Variants in CD58 observed in about 807,000 individuals in gnomAD.
CD58 encodes the protein CD58 molecule, also known as lymphocyte function-associated antigen 3.
Under a neutral mutation model 27.6 loss-of-function variants are expected in CD58, and 14 were observed. The ratio of observed to expected loss-of-function variants is 0.51; its 90% CI spans 0.34 to 0.79. CD58 has a LOEUF of 0.79. Ranked by LOEUF, CD58 falls within the 30% of genes least tolerant of loss-of-function variation. The pLI, the probability that CD58 is intolerant of heterozygous loss-of-function variation, is 0.02. For synonymous variants in CD58, 117 were observed against 103.8 expected, an observed-to-expected ratio of 1.13 and a Z score of -0.77; for missense variants, 268 against 301.7, an observed-to-expected ratio of 0.89 and a Z score of 0.83.
intron 1 of CD58, among the ~76,000 whole-genome samples, chr1:116,568,336 A>G (rs1049721045): frequency 6.6e-6 from 1 of 152,208 alleles, no homozygotes; most frequent in Non-Finnish European, 1.5e-5. Context: ...TAACAAAGAA[A>G]ACTAATGTGA....
In CD58 at chr1:116,559,701, C is replaced by G. The variant is rs1475090753; in HGVS notation, c.70+11202G>C. On this transcript the variant is annotated intron_variant, in intron 1 of 5. Coordinates refer to ENST00000369489, the MANE Select transcript of CD58 (RefSeq NM_001779.3). This position sits in a 1 kb window ranked among gnomAD's most constrained non-coding sequence, Gnocchi z 4.4. The stretch of plus-strand genomic sequence containing the variant: ...ACCTTGCTCTCAGCTGTCAATCTGC[C>G]TCCTCGATAAGTTCATCAAGAATTA... 6.6e-6 allele frequency among the ~76,000 whole-genome samples: 1 copy of G among 152,218 alleles called. No individual in the cohort carries two copies. The highest frequency in any genetic ancestry group is 1.9e-4 in the East Asian group (1 of 5,204).
chr1:116,543,175 G>T (rs1047597504), intron 2 of CD58, among the ~76,000 whole-genome samples: 1 of 152,174 alleles, frequency 6.6e-6, no homozygotes, highest in Non-Finnish European at 1.5e-5. Flanking sequence ...GAGCAAGGAA[G>T]CTAAGTGTGT....
intron 1 of CD58, among the ~76,000 whole-genome samples, chr1:116,565,719 GTTTT>G (rs1230495315): frequency 6.8e-6 from 1 of 147,912 alleles, no homozygotes; most frequent in Non-Finnish European, 1.5e-5. Context: ...GTTTTGTTTT[GTTTT>G]TTTGTTTTTT....
Position 116,550,010 on chromosome 1 carries a change from TA to T in CD58, c.71-5407del, listed in dbSNP as rs1164105178. Among the ~76,000 whole-genome samples, 3 of 152,072 alleles carry T rather than the reference TA, an allele frequency of 2.0e-5. No individual in the cohort carries two copies. The highest frequency in any genetic ancestry group is 7.3e-5 in the African/African-American group (3 of 41,358). On this transcript the variant is annotated intron_variant, in intron 1 of 5. Coordinates refer to ENST00000369489, the MANE Select transcript of CD58 (RefSeq NM_001779.3). This position sits in a 1 kb window ranked among gnomAD's most constrained non-coding sequence, Gnocchi z 4.2. Reference sequence around the variant, plus strand: ...TAAAAACACAATGTACATATTTAATTAAAAAATACTTTATTGCTGAAAAAAA... The same window carrying T: ...TAAAAACACAATGTACATATTTAATTAAAAATACTTTATTGCTGAAAAAAA...
chr1:116,519,134 C>T lies in CD58; in HGVS notation c.743+97G>A. The T allele has an allele frequency of 1.3e-6, 2 of 1,574,232 alleles. No homozygotes were observed. Among genetic ancestry groups the T allele is most frequent in the Non-Finnish European group, 1.7e-6 (2 of 1,157,258 alleles). On this transcript the variant is annotated intron_variant, in intron 5 of 5. Coordinates refer to ENST00000369489, the MANE Select transcript of CD58 (RefSeq NM_001779.3). The surrounding 1 kb of genome is among the most constrained non-coding windows in gnomAD (Gnocchi z 4.7). The stretch of plus-strand genomic sequence containing the variant: ...TACTTCTTATTACTGTACAAGGCAA[C>T]CAACAGATGAGTACAATCTGGCTTC...
Position 116,569,482 on chromosome 1 carries a change from C to T in CD58, c.70+1421G>A, listed in dbSNP as rs138248280. The stretch of plus-strand genomic sequence containing the variant: ...ACATTATCACATGTCCACACATCAC[C>T]AGTCCTTGAAGGCTGGGCTCAAATA... On this transcript the variant is annotated intron_variant, in intron 1 of 5. Transcript: ENST00000369489. Among the ~76,000 whole-genome samples the T allele has an allele frequency of 1.7e-4, 26 of 152,250 alleles. No individual in the cohort carries two copies. In the East Asian group the frequency reaches 4.2e-3, roughly 25 times the overall value.
intron 1 of CD58, among the ~76,000 whole-genome samples, chr1:116,566,330 T>C (rs980831479): frequency 2.0e-5 from 3 of 152,148 alleles, no homozygotes; most frequent in Admixed American, 6.5e-5. Context: ...GATGCAAATA[T>C]GGAAGAGCAG....
Position 116,516,492 on chromosome 1 carries a change from A to G in CD58, c.744-1670T>C, listed in dbSNP as rs1296466144. On this transcript the variant is annotated intron_variant, in intron 5 of 5. Coordinates refer to ENST00000369489, the MANE Select transcript of CD58 (RefSeq NM_001779.3). The surrounding 1 kb of genome is among the most constrained non-coding windows in gnomAD (Gnocchi z 6.1). ...GAACCTATAATGGCTGCTTATTTCC[A>G]TATCACTCCATTCTAAGGACCTCCT... is the stretch of plus-strand genomic sequence containing the variant. 6.6e-6 allele frequency among the ~76,000 whole-genome samples: 1 copy of G among 152,060 alleles called. No homozygotes were observed. The highest frequency in any genetic ancestry group is 1.5e-5 in the Non-Finnish European group (1 of 68,012).
chr1:116,564,818 A>C (rs1371361979), intron 1 of CD58, among the ~76,000 whole-genome samples: 1 of 152,214 alleles, frequency 6.6e-6, no homozygotes, highest in Non-Finnish European at 1.5e-5. Context: ...GGGTTTCAGC[A>C]TGTTGCTTAG....
At position 116,519,193 on chromosome 1, in the gene CD58, T is replaced by C. The variant is rs1657187418; in HGVS notation, c.743+38A>G. Reference sequence around the variant, plus strand: ...TGGGCATCTACAGCAGGGCTGCTGTTGTTCTGGCACAGAGTGCACAGCCTG... The same window carrying C: ...TGGGCATCTACAGCAGGGCTGCTGTCGTTCTGGCACAGAGTGCACAGCCTG... On this transcript the variant is annotated intron_variant, in intron 5 of 5. Coordinates refer to ENST00000369489, the MANE Select transcript of CD58 (RefSeq NM_001779.3). The surrounding 1 kb of genome is among the most constrained non-coding windows in gnomAD (Gnocchi z 4.7). 6.2e-7 allele frequency: 1 copy of C among 1,611,102 alleles called. No homozygotes were observed. The highest frequency in any genetic ancestry group is 8.5e-7 in the Non-Finnish European group (1 of 1,178,494).
At chr1:116,560,085 A>G (rs969438697) in intron 1 of CD58, 1 of 152,878 alleles carries the variant, frequency 6.5e-6, no homozygotes, top group African/African-American at 2.4e-5. Context: ...AGCAAAAACC[A>G]CAATAACTTT....
Position 116,522,434 on chromosome 1 carries a change from T to G in CD58, c.629-451A>C, listed in dbSNP as rs563568979. ...AGCTTCACTTAGGCATGAGTTACAG[T>G]GCTGTTGGCTATGAGTTCAAGGTCA... On this transcript the variant is annotated intron_variant, in intron 3 of 5. Transcript: ENST00000369489. This position sits in a 1 kb window ranked among gnomAD's most constrained non-coding sequence, Gnocchi z 4.6. 5.3e-5 allele frequency among the ~76,000 whole-genome samples: 8 copies of G among 152,348 alleles called. No homozygotes were observed. The highest frequency in any genetic ancestry group is 1.2e-4 in the Non-Finnish European group (8 of 68,034).
intron 3 of CD58, among the ~76,000 whole-genome samples, chr1:116,525,754 C>T (rs1002624048): frequency 5.3e-5 from 8 of 152,156 alleles, no homozygotes; most frequent in Non-Finnish European, 1.2e-4. Context: ...TCATTGTTGT[C>T]TTAGTTTCCA....
chr1:116,527,124 T>A lies in CD58; in HGVS notation c.629-5141A>T, dbSNP rs974528342. 2.0e-5 allele frequency among the ~76,000 whole-genome samples: 3 copies of A among 152,230 alleles called. No individual in the cohort carries two copies. Among genetic ancestry groups the A allele is most frequent in the African/African-American group, 7.2e-5 (3 of 41,468 alleles). ...ATAGATATTCATGTCATCTGAGAAC[T>A]AAAACAATTTTCTTTCTTTCTTCTC... On this transcript the variant is annotated intron_variant, in intron 3 of 5. Coordinates refer to ENST00000369489, the MANE Select transcript of CD58 (RefSeq NM_001779.3). This position sits in a 1 kb window ranked among gnomAD's most constrained non-coding sequence, Gnocchi z 4.4.
intron 1 of CD58, among the ~76,000 whole-genome samples, chr1:116,547,819 A>G (rs1658242143): frequency 6.6e-6 from 1 of 152,150 alleles, no homozygotes; most frequent in African/African-American, 2.4e-5. Context: ...TCCTCTGGGT[A>G]GATACCCAGT....
intron 3 of CD58, among the ~76,000 whole-genome samples, chr1:116,526,082 T>C (rs1042116243): frequency 3.3e-5 from 5 of 152,234 alleles, no homozygotes; most frequent in African/African-American, 1.2e-4. Context: ...GTTTTTTGTA[T>C]ATTTTGGATA....
chr1:116,547,551 G>C (rs113213686), intron 1 of CD58, among the ~76,000 whole-genome samples: 2 of 151,772 alleles, frequency 1.3e-5, no homozygotes, highest in African/African-American at 4.8e-5. Context: ...GGATGGTCTC[G>C]ATCTCCTGAC....
intron 1 of CD58, among the ~76,000 whole-genome samples, chr1:116,561,250 A>G (rs1658741416): frequency 6.6e-6 from 1 of 152,216 alleles, no homozygotes; most frequent in Non-Finnish European, 1.5e-5. Context: ...CAAAATTAAA[A>G]CAAAAAAACA....
intron 1 of CD58, among the ~76,000 whole-genome samples, chr1:116,549,800 T>C (rs1453763300): frequency 6.6e-6 from 1 of 152,204 alleles, no homozygotes; most frequent in African/African-American, 2.4e-5. Context: ...GATACAAACA[T>C]GTATCACATA....
Sources: gnomAD v4.1 joint callset for allele counts (sites outside exome capture counted in the v4.1 genomes callset) on GRCh38, gnomAD v4.1.1 for gene constraint, Gnocchi (gnomAD v3.1) non-coding constraint, MANE v1.5 for transcripts, NCBI Gene and HGNC (gene_info 2026-07-23, HGNC 2026-07-21) for gene names.